Variants in ITPR1 observed in about 807,000 individuals in gnomAD.
ITPR1 encodes inositol 1,4,5-trisphosphate receptor type 1.
In ITPR1, 96 loss-of-function variants were observed where a neutral mutation model predicts 318.4. That is an observed-to-expected ratio of 0.30 (90% CI 0.26 to 0.36). The LOEUF is 0.36. Ranked by LOEUF, ITPR1 falls within the 10% of genes least tolerant of loss-of-function variation. ITPR1 has a pLI of 1.00. For synonymous variants in ITPR1, 1,312 were observed against 1,289.9 expected (o/e 1.02, Z -0.37); for missense variants, 2,440 against 3,460.2 (o/e 0.71, Z 7.40).
intron 4 of ITPR1, among the ~76,000 whole-genome samples, chr3:4,529,085 A>G (rs954462381): frequency 1.3e-4 from 20 of 152,128 alleles, no homozygotes; most frequent in African/African-American, 4.8e-4. Context: ...TATGAGATGC[A>G]TGTCTGAAGG....
intron 4 of ITPR1, among the ~76,000 whole-genome samples, chr3:4,542,581 C>G (rs1348592732): frequency 2.0e-5 from 3 of 152,016 alleles, no homozygotes; most frequent in Non-Finnish European, 4.4e-5. Context: ...AGAGAGAAAA[C>G]TCTCCTCGTA....
intron 60 of ITPR1, among the ~76,000 whole-genome samples, chr3:4,823,729 T>A (rs1429480870): frequency 6.6e-6 from 1 of 152,080 alleles, no homozygotes; most frequent in South Asian, 2.1e-4. Flanking sequence ...TCCAGTTAGG[T>A]AGAAGGAATA....
intron 4 of ITPR1, among the ~76,000 whole-genome samples, chr3:4,521,862 C>A (rs989510440): frequency 6.6e-6 from 1 of 150,714 alleles, no homozygotes; most frequent in African/African-American, 2.5e-5. Context: ...AAAGTGAGAC[C>A]CTGTCTCAAA....
intron 54 of ITPR1, among the ~76,000 whole-genome samples, chr3:4,804,015 G>A (rs1484737474): frequency 3.9e-5 from 6 of 152,192 alleles, no homozygotes; most frequent in Non-Finnish European, 8.8e-5. Context: ...GGGACTACAG[G>A]TGTGTGCCGC....
At chr3:4,808,870 C>A (rs998587199) in intron 55 of ITPR1, among the ~76,000 whole-genome samples, 2 of 152,120 alleles carry the variant, frequency 1.3e-5, no homozygotes, top group Admixed American at 1.3e-4. Context: ...CCCCCTCCCC[C>A]ACAAAGACTG....
chr3:4,827,906 A>G (rs3805025), intron 60 of ITPR1, among the ~76,000 whole-genome samples: 31,531 of 151,922 alleles, frequency 0.21, 3,326 homozygotes, highest in East Asian at 0.24. Flanking sequence ...TCTTAAGTCA[A>G]TAACAGTGCT....
intron 4 of ITPR1, among the ~76,000 whole-genome samples, chr3:4,578,998 G>A (rs1190315556): frequency 6.6e-6 from 1 of 152,164 alleles, no homozygotes; most frequent in Non-Finnish European, 1.5e-5. Context: ...ATTGACCCAT[G>A]TGATATTGCT....
intron 54 of ITPR1, among the ~76,000 whole-genome samples, chr3:4,801,600 C>A (rs1229543689): frequency 6.6e-6 from 1 of 151,928 alleles, no homozygotes; most frequent in African/African-American, 2.4e-5. Flanking sequence ...CCTATCTCTA[C>A]TAAAAATACA....
At chr3:4,803,021 G>T (rs901647956) in intron 54 of ITPR1, among the ~76,000 whole-genome samples, 4 of 152,172 alleles carry the variant, frequency 2.6e-5, no homozygotes, top group Non-Finnish European at 5.9e-5. Flanking sequence ...ATTGGCTTGA[G>T]GTTTTGCAGC....
At chr3:4,536,947 G>A (rs919485308) in intron 4 of ITPR1, among the ~76,000 whole-genome samples, 13 of 125,556 alleles carry the variant, frequency 1.0e-4, no homozygotes, top group African/African-American at 1.6e-4. Flanking sequence ...AACAAAAGGG[G>A]GATTTTTTGG....
chr3:4,647,995 A>C (rs1242060510), intron 10 of ITPR1, among the ~76,000 whole-genome samples: 1 of 152,192 alleles, frequency 6.6e-6, no homozygotes, highest in Non-Finnish European at 1.5e-5. Context: ...CTACTAAAAA[A>C]TACAAAATTA....
At chr3:4,494,384 A>G (rs2080390437) in intron 1 of ITPR1, 47 bp from the exon 2 acceptor site, 1 of 152,294 alleles carries the variant, frequency 6.6e-6, no homozygotes. Context: ...GTTAGAGCTC[A>G]TCTTCCGCGG....
At chr3:4,733,032 TC>T in intron 42 of ITPR1, 55 bp from the exon 43 acceptor site, 1 of 1,563,940 alleles carries the variant, frequency 6.4e-7, no homozygotes, top group Non-Finnish European at 8.7e-7. Flanking sequence ...TGAATATTCG[TC>T]CCTCGGTGAT....
chr3:4,596,372 A>G (rs534668893), intron 4 of ITPR1, among the ~76,000 whole-genome samples: 4 of 152,204 alleles, frequency 2.6e-5, no homozygotes, highest in East Asian at 1.9e-4. Context: ...TCTACTCTGT[A>G]TTTATCATCT....
At chr3:4,808,137 G>T (rs1430438590) in intron 55 of ITPR1, among the ~76,000 whole-genome samples, 5 of 152,224 alleles carry the variant, frequency 3.3e-5, no homozygotes, top group African/African-American at 1.2e-4. Context: ...TACCCTCATA[G>T]GCCTCACAGT....
chr3:4,813,692 A>G (rs2049089349), intron 57 of ITPR1, among the ~76,000 whole-genome samples: 1 of 152,202 alleles, frequency 6.6e-6, no homozygotes, highest in Non-Finnish European at 1.5e-5. Context: ...TAAAGGTAAA[A>G]AGAAAAAAAC....
intron 51 of ITPR1, among the ~76,000 whole-genome samples, chr3:4,787,359 AAAAG>A: frequency 6.6e-6 from 1 of 151,028 alleles, no homozygotes; most frequent in African/African-American, 2.4e-5. Flanking sequence ...AAAAAAAAAA[AAAAG>A]AATTCATGGG....
At chr3:4,778,850 A>T (rs544065742) in intron 48 of ITPR1, among the ~76,000 whole-genome samples, 4 of 152,216 alleles carry the variant, frequency 2.6e-5, no homozygotes. Flanking sequence ...AAGAAAAAAA[A>T]CCCAACAGCT....
At chr3:4,791,150 T>C (rs2047528646) in intron 52 of ITPR1, among the ~76,000 whole-genome samples, 1 of 152,202 alleles carries the variant, frequency 6.6e-6, no homozygotes, top group Non-Finnish European at 1.5e-5. Context: ...TACCAAGAGA[T>C]GCCCTAGGCT....
Sources: gnomAD v4.1 joint callset for allele counts (sites outside exome capture counted in the v4.1 genomes callset) on GRCh38, gnomAD v4.1.1 for gene constraint, MANE v1.5 for transcripts, NCBI Gene and HGNC (gene_info 2026-07-23, HGNC 2026-07-21) for gene names.